Variants in RASGEF1C observed in about 807,000 individuals in gnomAD.
RASGEF1C encodes ras-GEF domain-containing family member 1C.
Under a neutral mutation model 58.1 loss-of-function variants are expected in RASGEF1C, and 27 were observed. The ratio of observed to expected loss-of-function variants is 0.46; its 90% CI spans 0.34 to 0.64. The LOEUF (loss-of-function observed/expected upper bound fraction) is 0.64. Among genes scored for constraint, RASGEF1C ranks in the 30% least tolerant of loss-of-function variants. RASGEF1C has a pLI of 0.01. For synonymous variants in RASGEF1C, 243 were observed against 246.3 expected (o/e 0.99, Z 0.13); for missense variants, 502 against 605.1 (o/e 0.83, Z 1.79).
intron 1 of RASGEF1C, among the ~76,000 whole-genome samples, chr5:180,173,680 C>T (rs554595748): frequency 2.4e-4 from 37 of 151,400 alleles, no homozygotes; most frequent in East Asian, 1.7e-3. Flanking sequence ...TTTGGGAGGC[C>T]AAGGTGGGCA....
intron 1 of RASGEF1C, among the ~76,000 whole-genome samples, chr5:180,154,899 C>T (rs1766827686): frequency 6.6e-6 from 1 of 152,190 alleles, no homozygotes; most frequent in Non-Finnish European, 1.5e-5. Flanking sequence ...ACTCTTGACT[C>T]CAGGCCCAGC....
Position 180,132,125 on chromosome 5 carries a change from G to A in RASGEF1C, c.439-3515C>T, listed in dbSNP as rs1026824249. ...AAGGCATCCCCTCGTCACTATCGTG[G>A]GTCCATGTTTATGAAGCACCAGGCC... On this transcript the variant is annotated intron_variant, in intron 4 of 13. Coordinates refer to ENST00000361132, the MANE Select transcript of RASGEF1C (RefSeq NM_175062.4). Among the ~76,000 whole-genome samples, 7 of 152,338 alleles carry A rather than the reference G, an allele frequency of 4.6e-5. 1 individual carries two copies. In the South Asian group the frequency reaches 6.2e-4, roughly 14 times the overall value.
At chr5:180,190,343 AGCC>A (rs1477040053) in intron 1 of RASGEF1C, among the ~76,000 whole-genome samples, 19 of 151,772 alleles carry the variant, frequency 1.3e-4, no homozygotes, top group Admixed American at 7.9e-4. Flanking sequence ...ACAAAAAATT[AGCC>A]GGGCGTGGTG....
intron 7 of RASGEF1C, 21 bp downstream of exon 7, chr5:180,121,039 C>T (rs1766160247): frequency 6.3e-7 from 1 of 1,579,864 alleles, no homozygotes; most frequent in Non-Finnish European, 8.7e-7. Flanking sequence ...CAGGTGGTGC[C>T]CACCCTGGCT....
chr5:180,152,028 C>T (rs1304797519), intron 1 of RASGEF1C, among the ~76,000 whole-genome samples: 1 of 149,522 alleles, frequency 6.7e-6, no homozygotes, highest in African/African-American at 2.4e-5. Flanking sequence ...GATACCATCT[C>T]ACACCAGTTA....
At chr5:180,184,106 G>A (rs895061906) in intron 1 of RASGEF1C, among the ~76,000 whole-genome samples, 1 of 152,024 alleles carries the variant, frequency 6.6e-6, no homozygotes, top group East Asian at 1.9e-4. Flanking sequence ...GAAGGTTGCA[G>A]TGAGCAGAGA....
Position 180,174,259 on chromosome 5 carries a change from G to A in RASGEF1C, c.-7+34769C>T, listed in dbSNP as rs548423782. Among the ~76,000 whole-genome samples the A allele has an allele frequency of 7.7e-4, 117 of 152,206 alleles. 2 individuals carry two copies. The highest frequency in any genetic ancestry group is 1.2e-3 in the South Asian group (6 of 4,822). ...CTCACAGCTAAACTTTAACAAATTC[G>A]TCATCGTCTTTTCTGGGAAGAACGA... On this transcript the variant is annotated intron_variant, in intron 1 of 13. Coordinates refer to ENST00000361132, the MANE Select transcript of RASGEF1C (RefSeq NM_175062.4).
At chr5:180,145,275 C>A (rs1766646028) in intron 1 of RASGEF1C, among the ~76,000 whole-genome samples, 1 of 152,188 alleles carries the variant, frequency 6.6e-6, no homozygotes, top group South Asian at 2.1e-4. Flanking sequence ...CATGTGCCAC[C>A]ACCGTGTCCG....
Position 180,209,110 on chromosome 5 carries a change from C to CCCGCCGCCG in RASGEF1C, c.-98_-90dup, listed in dbSNP as rs768278930. The CCCGCCGCCG allele has an allele frequency of 1.5e-4, 21 of 144,658 alleles. No homozygotes were observed. The highest frequency in any genetic ancestry group is 4.0e-4 in the African/African-American group (16 of 40,166). 9.0% of individuals were successfully genotyped at this position (144,658 alleles called of 1,614,324 possible). On this transcript the variant is annotated 5_prime_UTR_variant, in exon 1 of 14. Coordinates refer to ENST00000361132, the MANE Select transcript of RASGEF1C (RefSeq NM_175062.4). ...CTCGGCGCCGCGGACCGGGGCGCCG[C>CCCGCCGCCG]CCGCCGCCGCCGCCGCCGCCGCCGC...
chr5:180,173,947 T>C (rs1767166930), intron 1 of RASGEF1C, among the ~76,000 whole-genome samples: 1 of 148,890 alleles, frequency 6.7e-6, no homozygotes, highest in Admixed American at 6.7e-5. Flanking sequence ...ACCTGCGCAA[T>C]TTTTCATTCA....
intron 1 of RASGEF1C, among the ~76,000 whole-genome samples, chr5:180,179,029 G>A (rs1241107154): frequency 6.6e-6 from 1 of 152,128 alleles, no homozygotes; most frequent in African/African-American, 2.4e-5. Context: ...GAGGAGGCGG[G>A]TTTATGACCA....
intron 4 of RASGEF1C, among the ~76,000 whole-genome samples, chr5:180,129,120 C>A (rs1268404363): frequency 6.6e-6 from 1 of 152,220 alleles, no homozygotes; most frequent in Non-Finnish European, 1.5e-5. Flanking sequence ...GTGGAAGGGC[C>A]AGGGCCCACG....
intron 13 of RASGEF1C, 28 bp from the exon 14 acceptor site, chr5:180,101,553 T>C: frequency 6.2e-7 from 1 of 1,610,564 alleles, no homozygotes; most frequent in Non-Finnish European, 8.5e-7. Context: ...TCGGGAGCGG[T>C]GAGAGCCTGG....
intron 1 of RASGEF1C, among the ~76,000 whole-genome samples, chr5:180,144,116 C>G (rs1361957122): frequency 6.6e-6 from 1 of 152,200 alleles, no homozygotes; most frequent in Non-Finnish European, 1.5e-5. Flanking sequence ...GCACTCGCCA[C>G]GGGGAGCTCG....
At chr5:180,174,802 G>A (rs183020036) in intron 1 of RASGEF1C, among the ~76,000 whole-genome samples, 4 of 152,280 alleles carry the variant, frequency 2.6e-5, no homozygotes, top group South Asian at 2.1e-4. Flanking sequence ...ACTTCACTGC[G>A]CAGCAGTTCT....
At chr5:180,173,805 A>T (rs562675417) in intron 1 of RASGEF1C, among the ~76,000 whole-genome samples, 1 of 151,636 alleles carries the variant, frequency 6.6e-6, no homozygotes, top group Non-Finnish European at 1.5e-5. Context: ...CCCAGCTGCT[A>T]GGGAGGCTGA....
rs567365711 is a variant in RASGEF1C, at chr5:180,190,902, G to C, written c.-7+18126C>G. On this transcript the variant is annotated intron_variant, in intron 1 of 13. Coordinates refer to ENST00000361132, the MANE Select transcript of RASGEF1C (RefSeq NM_175062.4). ...ATAAAATGGCAGCCAGGTATTGGGT[G>C]GAAAATTTATAGATTACCTATTTGA... is the stretch of plus-strand genomic sequence containing the variant. Among the ~76,000 whole-genome samples, 5 of 152,088 alleles carry C rather than the reference G, an allele frequency of 3.3e-5. No individual in the cohort carries two copies. In the East Asian group the frequency reaches 9.7e-4, roughly 29 times the overall value.
chr5:180,184,897 T>G (rs4367257), intron 1 of RASGEF1C, among the ~76,000 whole-genome samples: 1 of 152,132 alleles, frequency 6.6e-6, no homozygotes, highest in Admixed American at 6.5e-5. Context: ...TCAGAATACA[T>G]GAAGCAAGAA....
At chr5:180,179,648 C>T (rs1767290225) in intron 1 of RASGEF1C, among the ~76,000 whole-genome samples, 1 of 152,236 alleles carries the variant, frequency 6.6e-6, no homozygotes, top group Admixed American at 6.5e-5. Flanking sequence ...GAGACGCGTC[C>T]TGCCACTGGG....
Sources: gnomAD v4.1 joint callset for allele counts (sites outside exome capture counted in the v4.1 genomes callset) on GRCh38, gnomAD v4.1.1 for gene constraint, MANE v1.5 for transcripts, NCBI Gene and HGNC (gene_info 2026-07-23, HGNC 2026-07-21) for gene names.